Variants in FAAH2 observed in about 807,000 individuals in gnomAD.
FAAH2 encodes fatty acid amide hydrolase 2.
FAAH2 carries 60 observed loss-of-function variants against 36.9 expected under a neutral mutation model. The observed-to-expected ratio is 1.63, with a 90% CI of 1.32 to 2.02. FAAH2 has a LOEUF of 2.02. Among genes scored for constraint, FAAH2 ranks in the 30% most tolerant of loss-of-function variants. FAAH2 has a pLI of 0.00. For synonymous variants in FAAH2, 214 were observed against 143.8 expected (o/e 1.49, Z -3.49); for missense variants, 689 against 397.5 (o/e 1.73, Z -6.23).
In FAAH2 at chrX:57,297,083, G is replaced by A. The variant is rs747753578; in HGVS notation, c.275+4503G>A. On this transcript the variant is annotated intron_variant, in intron 2 of 10. Coordinates refer to ENST00000374900, the MANE Select transcript of FAAH2 (RefSeq NM_174912.4). ...ATCTAGCAAGGCAGGCCAACATTCA[G>A]ATCCAGGAAATACAGAGAACAGAAC... Among the ~76,000 whole-genome samples, 9 of 110,446 alleles carry A rather than the reference G, an allele frequency of 8.1e-5. No individual in the cohort carries two copies. The East Asian group carries it at 2.0e-3, about 25-fold the overall frequency.
intron 7 of FAAH2, among the ~76,000 whole-genome samples, chrX:57,383,585 A>G (rs1351785532): frequency 8.9e-6 from 1 of 111,980 alleles, no homozygotes; most frequent in Non-Finnish European, 1.9e-5. Flanking sequence ...TGCTTCAAAG[A>G]GAATAAAATA....
At chrX:57,362,298 G>C (rs994267146) in intron 5 of FAAH2, among the ~76,000 whole-genome samples, 1 of 110,408 alleles carries the variant, frequency 9.1e-6, no homozygotes, top group Non-Finnish European at 1.9e-5. Context: ...TGGGAGTTGA[G>C]CAATGAGAAC....
intron 7 of FAAH2, among the ~76,000 whole-genome samples, chrX:57,384,767 G>T (rs189500119): frequency 7.6e-4 from 85 of 111,440 alleles, no homozygotes; most frequent in African/African-American, 2.5e-3. Flanking sequence ...GTTAGTGTGG[G>T]GATTCCTCAG....
intron 2 of FAAH2, among the ~76,000 whole-genome samples, chrX:57,308,964 C>A: frequency 8.9e-6 from 1 of 112,065 alleles, no homozygotes; most frequent in Middle Eastern, 4.7e-3. Context: ...TAGACATTAT[C>A]ATATTCATTT....
chrX:57,454,603 A>G (rs1446269545), intron 10 of FAAH2, among the ~76,000 whole-genome samples: 2 of 112,005 alleles, frequency 1.8e-5, no homozygotes, highest in African/African-American at 6.5e-5. Context: ...CATTTTAAGA[A>G]AGAACCAAAT....
the FAAH2 span, among the ~76,000 whole-genome samples, chrX:57,222,636 C>T: frequency 2.7e-5 from 3 of 111,556 alleles, no homozygotes; most frequent in South Asian, 1.1e-3. Context: ...AGTCTCATCT[C>T]TGCCCCATGG....
intron 7 of FAAH2, among the ~76,000 whole-genome samples, chrX:57,387,702 A>G (rs1478762080): frequency 8.9e-6 from 1 of 111,793 alleles, no homozygotes; most frequent in Non-Finnish European, 1.9e-5. Flanking sequence ...CATTTTATAA[A>G]GTTCCTAGGC....
intron 7 of FAAH2, among the ~76,000 whole-genome samples, chrX:57,408,708 A>G (rs772216935): frequency 8.1e-5 from 9 of 111,084 alleles, no homozygotes; most frequent in Non-Finnish European, 1.5e-4. Flanking sequence ...CTTGTGATAT[A>G]TGACCTTGAT....
chrX:57,220,209 T>C, the FAAH2 span, among the ~76,000 whole-genome samples: 4 of 108,639 alleles, frequency 3.7e-5, no homozygotes, highest in Non-Finnish European at 7.6e-5. Flanking sequence ...CTCTCAACCA[T>C]CTTCTTTAAC....
intron 7 of FAAH2, among the ~76,000 whole-genome samples, chrX:57,399,508 G>A (rs1485830193): frequency 9.0e-6 from 1 of 111,661 alleles, no homozygotes; most frequent in Non-Finnish European, 1.9e-5. Context: ...TTTTCTGGAG[G>A]GGATTACCCC....
At chrX:57,420,960 C>A (rs2056005741) in intron 7 of FAAH2, among the ~76,000 whole-genome samples, 1 of 112,372 alleles carries the variant, frequency 8.9e-6, no homozygotes, top group East Asian at 2.8e-4. Flanking sequence ...AAGGCCTTTT[C>A]TGCATCTATT....
the FAAH2 span, among the ~76,000 whole-genome samples, chrX:57,179,215 A>G: frequency 9.0e-6 from 1 of 111,592 alleles, no homozygotes; most frequent in Non-Finnish European, 1.9e-5. Flanking sequence ...ACTATACAAA[A>G]ATGTCTGGAT....
intron 2 of FAAH2, among the ~76,000 whole-genome samples, chrX:57,294,713 A>G (rs759655090): frequency 1.8e-5 from 2 of 109,960 alleles, no homozygotes; most frequent in African/African-American, 3.3e-5. Flanking sequence ...CCCTTTCCCC[A>G]CCTCTCCTTT....
In FAAH2 at chrX:57,331,747, A is replaced by C. The variant is rs778341894; in HGVS notation, c.562A>C (p.Lys188Gln). The C allele has an allele frequency of 8.3e-7, 1 of 1,211,638 alleles. No homozygotes were observed. Among genetic ancestry groups the C allele is most frequent in the Admixed American group, 2.2e-5 (1 of 45,960 alleles). ...GTGTATGTGGTATGAATCCAGTAAC[A>C]AGATCTATGGCCGATCAAACAACCC... ...ELCMWYESSN[K>Q]IYGRSNNPYD... The change falls in exon 4 of 11, where the codon AAG (lysine) becomes CAG (glutamine). Residue 188 changes from lysine to glutamine, a missense_variant. Physicochemically the swap from Lys to Gln is moderately conservative, Grantham distance 53 (BLOSUM62 1). Coordinates refer to ENST00000374900, the MANE Select transcript of FAAH2 (RefSeq NM_174912.4).
chrX:57,263,058 T>G, the FAAH2 span, among the ~76,000 whole-genome samples: 3 of 111,017 alleles, frequency 2.7e-5, no homozygotes, highest in African/African-American at 9.8e-5. Context: ...CAGGCAAAAA[T>G]TTTTATTCTC....
At chrX:57,160,632 G>T in the FAAH2 span, among the ~76,000 whole-genome samples, 12 of 112,080 alleles carry the variant, frequency 1.1e-4, no homozygotes, top group African/African-American at 3.9e-4. Context: ...TTGCCTAGAG[G>T]TGTTTATAGT....
chrX:57,214,430 A>G, the FAAH2 span, among the ~76,000 whole-genome samples: 1 of 109,992 alleles, frequency 9.1e-6, no homozygotes, highest in Non-Finnish European at 1.9e-5. Context: ...TGTTTTATTT[A>G]TTTTTTTTCT....
chrX:57,468,477 A>G (rs775520708), intron 10 of FAAH2, among the ~76,000 whole-genome samples: 1 of 112,335 alleles, frequency 8.9e-6, no homozygotes. Flanking sequence ...TGATTTGATC[A>G]AACGGAAGAA....
At chrX:57,310,047 C>A (rs1468215344) in intron 2 of FAAH2, among the ~76,000 whole-genome samples, 3 of 112,409 alleles carry the variant, frequency 2.7e-5, no homozygotes, top group African/African-American at 9.7e-5. Flanking sequence ...TTCTCACCAA[C>A]AGCGTAAAAG....
Sources: gnomAD v4.1 joint callset for allele counts (sites outside exome capture counted in the v4.1 genomes callset) on GRCh38, gnomAD v4.1.1 for gene constraint, MANE v1.5 for transcripts, NCBI Gene and HGNC (gene_info 2026-07-23, HGNC 2026-07-21) for gene names.